Variants in TK1 observed in about 807,000 individuals in gnomAD.
TK1 encodes the protein thymidine kinase 1, also known as thymidine kinase, cytosolic.
Under a neutral mutation model 22.4 loss-of-function variants are expected in TK1, and 13 were observed. The ratio of observed to expected loss-of-function variants is 0.58; its 90% CI spans 0.38 to 0.92. The LOEUF (loss-of-function observed/expected upper bound fraction) is 0.92. TK1 is among the 40% of genes least tolerant of loss of function. The pLI is 0.00. For missense variants in TK1, 251 were observed against 315.7 expected (o/e 0.80, Z 1.55); for synonymous variants, 134 against 125.4 (o/e 1.07, Z -0.46).
At chr17:78,185,279 A>G (rs2075774023) in intron 2 of TK1, 114 bp from the exon 3 acceptor site, 1 of 728,014 alleles carries the variant, frequency 1.4e-6, no homozygotes, top group Middle Eastern at 3.2e-4. Flanking sequence ...GACTGAGCCC[A>G]CCACAGCCAG....
chr17:78,181,246 A>T (rs1206215162), intron 4 of TK1, among the ~76,000 whole-genome samples: 1 of 152,044 alleles, frequency 6.6e-6, no homozygotes, highest in African/African-American at 2.4e-5. Flanking sequence ...CTCCATCTCA[A>T]AAAAAATAAA....
At chr17:78,180,218 G>C (rs953079898) in intron 4 of TK1, among the ~76,000 whole-genome samples, 1 of 152,210 alleles carries the variant, frequency 6.6e-6, no homozygotes, top group Non-Finnish European at 1.5e-5. Context: ...GCTCCGCCAC[G>C]TCTCTTCCCC....
At chr17:78,179,473 G>C in intron 4 of TK1, 3 of 985,462 alleles carry the variant, frequency 3.0e-6, no homozygotes, top group Non-Finnish European at 3.6e-6. Flanking sequence ...CCAGCTGCCG[G>C]GTGGTCGGGA....
At chr17:78,175,764 C>T (rs138259864) in intron 4 of TK1, 146 bp from the exon 5 acceptor site, 73 of 666,372 alleles carry the variant, frequency 1.1e-4, no homozygotes, top group East Asian at 8.0e-4. Context: ...CTCCCCAGGC[C>T]GGGGGACTGT....
In TK1 at chr17:78,184,963, T is replaced by A. The variant is rs1443328534; in HGVS notation, c.209+92A>T. On this transcript the variant is annotated intron_variant, in intron 3 of 6. Transcript: ENST00000301634. ...TGATTTGAATCATTCAATGTTCAAA[T>A]GATTAACCATCCCCATTAAAGAGAG... is the stretch of plus-strand genomic sequence containing the variant. 5 of 981,214 alleles carry A rather than the reference T, an allele frequency of 5.1e-6. No individual in the cohort carries two copies. The African/African-American group carries it at 8.0e-5, about 16-fold the overall frequency. The allele number at this position is 981,214 out of a possible 1,614,324, so 60.8% of individuals were successfully genotyped here. A position where few individuals can be genotyped will look rare whatever the true frequency, so the allele number is the denominator to read the frequency against.
intron 5 of TK1, 50 bp from the exon 6 acceptor site, chr17:78,175,219 G>GTTTTTATTTTTTTTTTTTTTTTTT: frequency 6.3e-7 from 1 of 1,574,992 alleles, no homozygotes; most frequent in Non-Finnish European, 8.6e-7. Flanking sequence ...TACCAGGTGG[G>GTTTTTATTTTTTTTTTTTTTTTTT]TTTTTCTTTT....
intron 2 of TK1, 102 bp downstream of exon 2, chr17:78,186,675 GAGGGAAGGGA>G (rs1279467418): frequency 2.3e-6 from 2 of 885,956 alleles, no homozygotes; most frequent in East Asian, 3.6e-5. Flanking sequence ...AAGGGAAGGG[GAGGGAAGGGA>G]AGGGGAGGGG....
At chr17:78,179,481 G>A (rs1205267827) in intron 4 of TK1, 2 of 985,350 alleles carry the variant, frequency 2.0e-6, no homozygotes, top group Non-Finnish European at 2.4e-6. Flanking sequence ...CGGGTGGTCG[G>A]GAACCCAGAG....
chr17:78,185,922 C>A (rs1416322945), intron 2 of TK1, among the ~76,000 whole-genome samples: 1 of 152,166 alleles, frequency 6.6e-6, no homozygotes, highest in Admixed American at 6.5e-5. Flanking sequence ...TGAGCCACAT[C>A]TTCCTGAGCA....
Position 78,186,911 on chromosome 17 carries a change from C to T in TK1, c.66+18G>A. The T allele has an allele frequency of 6.4e-7, 1 of 1,566,086 alleles. No homozygotes were observed. Among genetic ancestry groups the T allele is most frequent in the Non-Finnish European group, 8.7e-7 (1 of 1,155,712 alleles). On this transcript the variant is annotated intron_variant, in intron 1 of 6. Coordinates refer to ENST00000301634, the MANE Select transcript of TK1 (RefSeq NM_003258.5). ...CGACCACCTCATCCCCAGCCACGCG[C>T]AGGGCTGGCCCCCGCACCTGGATCT...
intron 3 of TK1, among the ~76,000 whole-genome samples, chr17:78,183,946 T>C (rs772260847): frequency 1.1e-4 from 17 of 152,174 alleles, no homozygotes; most frequent in Non-Finnish European, 2.2e-4. Context: ...GTGGCCCGTG[T>C]TAGAGATGAC....
intron 4 of TK1, among the ~76,000 whole-genome samples, chr17:78,177,575 A>G (rs548066510): frequency 1.4e-5 from 2 of 143,686 alleles, no homozygotes; most frequent in Non-Finnish European, 3.1e-5. Flanking sequence ...AAAAAGGTCT[A>G]TTTTTTTTTT....
chr17:78,184,268 G>C (rs960888788), intron 3 of TK1, among the ~76,000 whole-genome samples: 1 of 152,220 alleles, frequency 6.6e-6, no homozygotes, highest in African/African-American at 2.4e-5. Context: ...CCACACGCCG[G>C]GTGGATCTGT....
chr17:78,181,798 G>A (rs916217383), intron 4 of TK1, among the ~76,000 whole-genome samples: 3 of 151,402 alleles, frequency 2.0e-5, no homozygotes, highest in Non-Finnish European at 2.9e-5. Context: ...TGGCCTTGTC[G>A]CCCGGGCTGG....
At chr17:78,177,641 T>C (rs182461146) in intron 4 of TK1, among the ~76,000 whole-genome samples, 10 of 151,626 alleles carry the variant, frequency 6.6e-5, no homozygotes, top group African/African-American at 2.2e-4. Flanking sequence ...TGGCGTGATC[T>C]CAGCTCACTG....
rs1020340151 is a variant in TK1 at position 78,174,828 on chromosome 17, T to G, written c.636A>C (p.Pro212=). The change falls in exon 7 of 7, where the codon CCA becomes CCC. Residue 212 remains proline, a synonymous_variant. Transcript: ENST00000301634. ...NKENCPVPGK[P]GEAVAARKLF... ...GCTTCCTGGCAGCCACGGCTTCCCC[T>G]GGCTTTCCTGGCACTGGGCAGTTCT... 1.2e-6 allele frequency: 2 copies of G among 1,613,254 alleles called. No homozygotes were observed. The highest frequency in any genetic ancestry group is 2.7e-5 in the African/African-American group (2 of 74,930).
At chr17:78,180,091 T>A (rs2075728005) in intron 4 of TK1, among the ~76,000 whole-genome samples, 1 of 152,134 alleles carries the variant, frequency 6.6e-6, no homozygotes, top group South Asian at 2.1e-4. Flanking sequence ...AAAAACGAAC[T>A]GGACTAAGTA....
intron 4 of TK1, among the ~76,000 whole-genome samples, chr17:78,176,731 CT>C (rs1294145708): frequency 1.3e-5 from 2 of 152,206 alleles, no homozygotes; most frequent in Non-Finnish European, 2.9e-5. Flanking sequence ...GGCGCGCCCC[CT>C]GGAGGGCTGA....
rs749574408 is a variant in TK1 at position 78,182,662 on chromosome 17, G to T, written c.230C>A (p.Pro77His). 6.3e-7 allele frequency: 1 copy of T among 1,591,436 alleles called. No individual in the cohort carries two copies. Among genetic ancestry groups the T allele is most frequent in the South Asian group, 1.1e-5 (1 of 88,002 alleles). Reference protein sequence around the residue: ...THDRNTMEALPACLLRDVAQE... With the variant: ...THDRNTMEALHACLLRDVAQE... ...GGCCACGTCTCGGAGCAGGCAGGCG[G>T]GCAGTGCCTCCATGGTGTTCCTGGG... The change falls in exon 4 of 7, where the codon CCC becomes CAC. Residue 77 changes from proline to histidine, a missense_variant. Coordinates refer to ENST00000301634, the MANE Select transcript of TK1 (RefSeq NM_003258.5).
Sources: gnomAD v4.1 joint callset for allele counts (sites outside exome capture counted in the v4.1 genomes callset) on GRCh38, gnomAD v4.1.1 for gene constraint, MANE v1.5 for transcripts, NCBI Gene and HGNC (gene_info 2026-07-23, HGNC 2026-07-21) for gene names.